Variants in TMPRSS2 observed in about 807,000 individuals in gnomAD.
TMPRSS2 encodes the protein transmembrane serine protease 2.
TMPRSS2 carries 59 observed loss-of-function variants against 67.4 expected under a neutral mutation model. That is an observed-to-expected ratio of 0.88 (90% CI 0.71 to 1.09). The LOEUF (loss-of-function observed/expected upper bound fraction) is 1.09, where lower values mean the gene tolerates loss of function less well. TMPRSS2 is among the 50% of genes least tolerant of loss of function. The probability of loss-of-function intolerance (pLI) is 0.00; values close to 1 mark genes in which losing one functional copy is unlikely to be tolerated. For synonymous variants in TMPRSS2, 257 were observed against 257.0 expected, an observed-to-expected ratio of 1.00 and a Z score of 0.00; for missense variants, 668 against 642.7, an observed-to-expected ratio of 1.04 and a Z score of -0.43.
chr21:41,466,273 A>G, intron 13 of TMPRSS2, 120 bp from the exon 14 acceptor site: 6 of 919,370 alleles, frequency 6.5e-6, no homozygotes, highest in Non-Finnish European at 1.0e-5. Context: ...GCTTAATAGC[A>G]CAAAGGGATC....
At position 41,478,212 on chromosome 21, in the gene TMPRSS2, ACAGCAGGCTG is replaced by A. The variant is rs2146447849; in HGVS notation, c.683+950_683+959del. 6.6e-6 allele frequency among the ~76,000 whole-genome samples: 1 copy of A among 152,336 alleles called. No homozygotes were observed. The highest frequency in any genetic ancestry group is 2.4e-5 in the African/African-American group (1 of 41,576). The stretch of plus-strand genomic sequence containing the variant: ...GGCTTGCCCTGCCACATTCCCCAGG[ACAGCAGGCTG>A]CAGTGGAAGTCAGGCCCCCAGACCC... On this transcript the variant is annotated intron_variant, in intron 7 of 13. Transcript: ENST00000332149. This position sits in a 1 kb window ranked among gnomAD's most constrained non-coding sequence, Gnocchi z 4.0.
intron 12 of TMPRSS2, 87 bp from the exon 13 acceptor site, chr21:41,467,973 C>T (rs1016428148): frequency 1.0e-5 from 15 of 1,494,644 alleles, no homozygotes; most frequent in Admixed American, 3.5e-5. Context: ...AGTTGGGGGG[C>T]GGGGGTCGCA....
Position 41,465,039 on chromosome 21 carries a change from C to T in TMPRSS2, c.*1103G>A, listed in dbSNP as rs551106657. On this transcript the variant is annotated 3_prime_UTR_variant, in exon 14 of 14. Transcript: ENST00000332149. Reference sequence around the variant, plus strand: ...CAAAACACATCTTTCTCTTCTTCGCCGCCACCATGGGCACTTTGCTTCAGC... The same window carrying T: ...CAAAACACATCTTTCTCTTCTTCGCTGCCACCATGGGCACTTTGCTTCAGC... 15 of 233,340 alleles carry T rather than the reference C, an allele frequency of 6.4e-5. No individual in the cohort carries two copies. The highest frequency in any genetic ancestry group is 3.6e-4 in the South Asian group (2 of 5,518). The allele number at this position is 233,340 out of a possible 1,614,324, so 14.5% of individuals were successfully genotyped here.
chr21:41,473,429 C>G lies in TMPRSS2; in HGVS notation c.795G>C (p.Gly265=). 2 of 1,610,346 alleles carry G rather than the reference C, an allele frequency of 1.2e-6. No homozygotes were observed. The highest frequency in any genetic ancestry group is 8.5e-7 in the Non-Finnish European group (1 of 1,179,156). ...RIVGGESALP[G]AWPWQVSLHV... ...GCAGGCTGACCTGCCAGGGCCAGGC[C>G]CCCGGGAGCGCGCTCTCGCCGCCCA... Residue 265 remains glycine (G), a synonymous_variant, in exon 9 of 14, where the codon GGG becomes GGC. Transcript: ENST00000332149.
intron 3 of TMPRSS2, 92 bp from the exon 4 acceptor site, chr21:41,489,685 T>C: frequency 1.3e-6 from 1 of 765,082 alleles, no homozygotes; most frequent in Non-Finnish European, 2.1e-6. Flanking sequence ...GTACACCACA[T>C]TAAGAAATAA....
intron 6 of TMPRSS2, among the ~76,000 whole-genome samples, chr21:41,479,873 T>C (rs1196374499): frequency 1.1e-4 from 16 of 152,118 alleles, no homozygotes; most frequent in Admixed American, 9.8e-4. Context: ...GCAGTGCTGG[T>C]AAATGGTAAC....
intron 5 of TMPRSS2, among the ~76,000 whole-genome samples, chr21:41,485,778 A>C (rs963073531): frequency 1.3e-5 from 2 of 152,242 alleles, no homozygotes; most frequent in Admixed American, 1.3e-4. Flanking sequence ...AACTATGTTT[A>C]ATCAGCAAAT....
At position 41,507,698 on chromosome 21, in the gene TMPRSS2, C is replaced by T. The variant is rs978664158; in HGVS notation, c.-57+383G>A. ...TCCTCCCCAAAGAGAAAAGGCGCAC[C>T]GGTGCTCCCAGGCGGGGGCCGTGGA... On this transcript the variant is annotated intron_variant, in intron 1 of 13. Transcript: ENST00000332149. Among the ~76,000 whole-genome samples the T allele has an allele frequency of 2.6e-5, 4 of 152,312 alleles. No homozygotes were observed. The South Asian group carries it at 8.3e-4, about 32-fold the overall frequency.
At chr21:41,473,575 G>A (rs1163605141) in intron 8 of TMPRSS2, 79 bp from the exon 9 acceptor site, 3 of 1,455,988 alleles carry the variant, frequency 2.1e-6, no homozygotes, top group Non-Finnish European at 2.8e-6. Flanking sequence ...CCCTCCCAAG[G>A]GTCTCCCAGG....
At chr21:41,472,451 C>T (rs1332598389) in intron 9 of TMPRSS2, among the ~76,000 whole-genome samples, 1 of 152,050 alleles carries the variant, frequency 6.6e-6, no homozygotes, top group Non-Finnish European at 1.5e-5. Context: ...GCCCAGAGCA[C>T]CCAGTGGTGT....
rs118108663 is a variant in TMPRSS2 at position 41,476,892 on chromosome 21, C to T, written c.684-272G>A. The stretch of plus-strand genomic sequence containing the variant: ...CTTAAAATTGTACCAGCTCCTAGGA[C>T]GGTTGTGAGGGTAAGTATACAATAA... On this transcript the variant is annotated intron_variant, in intron 7 of 13. Coordinates refer to ENST00000332149, the MANE Select transcript of TMPRSS2 (RefSeq NM_005656.4). 8.8e-4 allele frequency among the ~76,000 whole-genome samples: 134 copies of T among 152,244 alleles called. 2 individuals are homozygous for T. In the East Asian group the frequency reaches 0.023, roughly 27 times the overall value.
At chr21:41,482,361 G>A (rs772570483) in intron 5 of TMPRSS2, among the ~76,000 whole-genome samples, 2 of 152,192 alleles carry the variant, frequency 1.3e-5, no homozygotes, top group Non-Finnish European at 2.9e-5. Flanking sequence ...CAGCTTAAGG[G>A]TTAAGCAGAG....
rs2091072942 is a variant in TMPRSS2 at position 41,464,961 on chromosome 21, C to A, written c.*1181G>T. ...GGCACTTGGCAATGCAAAAGGGACC[C>A]TTCCCCTGGTTGGAAACCCACAGCA... On this transcript the variant is annotated 3_prime_UTR_variant, in exon 14 of 14. Transcript: ENST00000332149. 4.3e-6 allele frequency: 1 copy of A among 233,324 alleles called. No individual in the cohort carries two copies. 14.5% of individuals were successfully genotyped at this position (233,324 alleles called of 1,614,324 possible).
Sources: gnomAD v4.1 joint callset for allele counts (sites outside exome capture counted in the v4.1 genomes callset) on GRCh38, gnomAD v4.1.1 for gene constraint, Gnocchi (gnomAD v3.1) non-coding constraint, MANE v1.5 for transcripts, NCBI Gene and HGNC (gene_info 2026-07-23, HGNC 2026-07-21) for gene names.